Variants in PDILT observed in about 807,000 individuals in gnomAD.
PDILT encodes protein disulfide isomerase like, testis expressed, also known as protein disulfide-isomerase-like protein of the testis.
In PDILT, 43 loss-of-function variants were observed where a neutral mutation model predicts 53.7. The ratio of observed to expected loss-of-function variants is 0.80; its 90% CI spans 0.63 to 1.03. The LOEUF is 1.03. PDILT is among the 50% of genes least tolerant of loss of function. The pLI is 0.00. For missense variants in PDILT, 727 were observed against 712.3 expected (o/e 1.02, Z -0.24); for synonymous variants, 282 against 274.2 (o/e 1.03, Z -0.28).
chr16:20,364,134 G>A (rs959344802), intron 9 of PDILT, among the ~76,000 whole-genome samples: 1 of 152,180 alleles, frequency 6.6e-6, no homozygotes, highest in African/African-American at 2.4e-5. Context: ...GCAGCCCCAG[G>A]GGGCCAATCC....
chr16:20,369,605 A>G lies in PDILT; in HGVS notation c.1003T>C (p.Ser335Pro), dbSNP rs1428929785. 4 of 1,614,212 alleles carry G rather than the reference A, an allele frequency of 2.5e-6. No homozygotes were observed. Among genetic ancestry groups the G allele is most frequent in the South Asian group, 2.2e-5 (2 of 91,082 alleles). The change falls in exon 8 of 12, where the codon TCC (serine) becomes CCC (proline). Residue 335 changes from serine (S) to proline (P), a missense_variant. Ser to Pro is a moderately conservative substitution (Grantham distance 74). Coordinates refer to ENST00000302451, the MANE Select transcript of PDILT (RefSeq NM_174924.2). ...GAGCTCAAGTTTAGGATTTGGACGG[A>G]TGGGATATCGACCTCTGTGACCCGG... is the stretch of plus-strand genomic sequence containing the variant. ...YFRVTEVDIPSVQILNLSSDA... is the reference protein window; with the variant it reads ...YFRVTEVDIPPVQILNLSSDA...
intron 2 of PDILT, among the ~76,000 whole-genome samples, chr16:20,389,809 A>T (rs1385477308): frequency 6.6e-6 from 1 of 152,150 alleles, no homozygotes; most frequent in Non-Finnish European, 1.5e-5. Flanking sequence ...TGATGAGTAT[A>T]GGGACTGGAG....
chr16:20,397,496 T>C (rs1221445644), intron 2 of PDILT, among the ~76,000 whole-genome samples: 1 of 152,108 alleles, frequency 6.6e-6, no homozygotes, highest in Non-Finnish European at 1.5e-5. Flanking sequence ...AAGTTCAGAA[T>C]GCTCAAGATC....
At position 20,374,947 on chromosome 16, in the gene PDILT, C is replaced by T. The variant is rs778433768; in HGVS notation, c.556G>A (p.Glu186Lys). Residue 186 changes from glutamate (E) to lysine (K), a missense_variant, in exon 5 of 12, where the codon GAA becomes AAA. Physicochemically the swap from Glu to Lys is moderately conservative, Grantham distance 56 (BLOSUM62 1). Coordinates refer to ENST00000302451, the MANE Select transcript of PDILT (RefSeq NM_174924.2). ...ACATCATAGAACAACTCTGCTACTT[C>T]TTCCTCTAAATCCTATTTGGGAAAG... The part of the protein sequence containing the change: ...IVGFFQDLEE[E>K]VAELFYDVIK... 4.3e-6 allele frequency: 7 copies of T among 1,609,852 alleles called. No individual in the cohort carries two copies. The East Asian group carries it at 1.1e-4, about 26-fold the overall frequency.
intron 3 of PDILT, among the ~76,000 whole-genome samples, chr16:20,376,515 G>T (rs1480697415): frequency 1.3e-5 from 2 of 152,176 alleles, no homozygotes; most frequent in African/African-American, 4.8e-5. Context: ...AGAAACCAAG[G>T]TTCAACTGCC....
chr16:20,373,103 T>C lies in PDILT; in HGVS notation c.701A>G (p.Gln234Arg). 1.2e-6 allele frequency: 2 copies of C among 1,614,098 alleles called. No homozygotes were observed. Among genetic ancestry groups the C allele is most frequent in the Non-Finnish European group, 1.7e-6 (2 of 1,179,952 alleles). The change falls in exon 6 of 12, where the codon CAA becomes CGA. Residue 234 changes from glutamine to arginine, a missense_variant. Gln to Arg is a conservative substitution (Grantham distance 43, BLOSUM62 1). Coordinates refer to ENST00000302451, the MANE Select transcript of PDILT (RefSeq NM_174924.2). ...VFKKGKIVNRQKLINDSTNKQ... is the reference protein window; with the variant it reads ...VFKKGKIVNRRKLINDSTNKQ... ...GTTGGTACTGTCATTAATAAGCTTT[T>C]GGCGGTTCACAATTTTTCCCTTGTA... is the stretch of plus-strand genomic sequence containing the variant.
Position 20,362,403 on chromosome 16 carries a change from C to G in PDILT, c.1416+1G>C. ...CCATGTGCGTCCCAAGAGCCCCTCA[C>G]TTGTTGAGAGCCGCTGGGGAACAGC... On this transcript the variant is annotated splice_donor_variant, in intron 10 of 11. Coordinates refer to ENST00000302451, the MANE Select transcript of PDILT (RefSeq NM_174924.2). LOFTEE classifies it high-confidence loss of function. The G allele has an allele frequency of 6.2e-7, 1 of 1,613,944 alleles. No homozygotes were observed. Among genetic ancestry groups the G allele is most frequent in the Non-Finnish European group, 8.5e-7 (1 of 1,179,886 alleles).
At chr16:20,380,460 C>T (rs899518687) in intron 3 of PDILT, among the ~76,000 whole-genome samples, 9 of 152,144 alleles carry the variant, frequency 5.9e-5, no homozygotes, top group East Asian at 1.9e-4. Context: ...TCTCAGCCTC[C>T]GGAGTAGCTG....
intron 8 of PDILT, among the ~76,000 whole-genome samples, chr16:20,368,210 C>T (rs151126370): frequency 3.0e-3 from 450 of 152,128 alleles, no homozygotes; most frequent in Admixed American, 5.0e-3. Flanking sequence ...AGACCAGGGT[C>T]GTAGACACTG....
At position 20,373,094 on chromosome 16, in the gene PDILT, A is replaced by G. The variant is rs750927192; in HGVS notation, c.710T>C (p.Ile237Thr). 5.0e-6 allele frequency: 8 copies of G among 1,614,130 alleles called. No individual in the cohort carries two copies. Among genetic ancestry groups the G allele is most frequent in the East Asian group, 2.2e-5 (1 of 44,892 alleles). ...KGKIVNRQKL[I>T]NDSTNKQELN... Reference sequence around the variant, plus strand: ...TTCCTGTTTGTTGGTACTGTCATTAATAAGCTTTTGGCGGTTCACAATTTT... The same window carrying G: ...TTCCTGTTTGTTGGTACTGTCATTAGTAAGCTTTTGGCGGTTCACAATTTT... Residue 237 changes from isoleucine (I) to threonine (T), a missense_variant, in exon 6 of 12, where the codon ATT becomes ACT. Ile to Thr is a moderately conservative substitution (Grantham distance 89, BLOSUM62 -1). Coordinates refer to ENST00000302451, the MANE Select transcript of PDILT (RefSeq NM_174924.2).
intron 9 of PDILT, among the ~76,000 whole-genome samples, chr16:20,363,469 ATGTGTATG>A (rs111926365): frequency 0.43 from 55,338 of 129,400 alleles, 10,883 homozygotes; most frequent in Middle Eastern, 0.51. Flanking sequence ...GTTTTTGTGT[ATGTGTATG>A]TGTGTGTGTG....
chr16:20,392,629 T>C (rs1295459460), intron 2 of PDILT, among the ~76,000 whole-genome samples: 1 of 152,238 alleles, frequency 6.6e-6, no homozygotes, highest in African/African-American at 2.4e-5. Context: ...TAATTATGTA[T>C]TGGCAGGAAT....
At chr16:20,398,197 CCTTACATTCTGTCCCAGGGCATGG>C (rs1334321803) in intron 2 of PDILT, among the ~76,000 whole-genome samples, 8 of 152,112 alleles carry the variant, frequency 5.3e-5, no homozygotes, top group African/African-American at 1.9e-4. Context: ...TATGAAAATC[CCTTACATTCTGTCCCAGGGCATGG>C]CTTGGTCCCA....
chr16:20,376,922 A>G (rs1261037114), intron 3 of PDILT, among the ~76,000 whole-genome samples: 3 of 152,278 alleles, frequency 2.0e-5, no homozygotes, highest in Admixed American at 2.0e-4. Flanking sequence ...TATCAGTTTC[A>G]CATGATGGAA....
At chr16:20,398,518 C>T (rs1966690303) in intron 2 of PDILT, among the ~76,000 whole-genome samples, 1 of 152,154 alleles carries the variant, frequency 6.6e-6, no homozygotes, top group Admixed American at 6.5e-5. Context: ...GCGATCCCAT[C>T]TACTCAGATG....
chr16:20,372,874 GACAA>G lies in PDILT; in HGVS notation c.842_845del (p.Phe281SerfsTer11). The G allele has an allele frequency of 1.2e-6, 2 of 1,614,018 alleles. No individual in the cohort carries two copies. ...TACCATATGACTCGGAGCTTTTGGA[GACAA>G]ACAGCAGCATGTGACTCATGATGTG... On this transcript the variant is annotated frameshift_variant, in exon 7 of 12. Transcript: ENST00000302451. LOFTEE classifies it high-confidence loss of function.
intron 10 of PDILT, among the ~76,000 whole-genome samples, chr16:20,361,626 G>T (rs1966102165): frequency 6.6e-6 from 1 of 152,150 alleles, no homozygotes; most frequent in African/African-American, 2.4e-5. Context: ...TGCATCCTCT[G>T]CAGTGCAGAC....
Position 20,359,259 on chromosome 16 carries a change from A to C in PDILT, c.*60T>G. 1 of 1,595,084 alleles carries C rather than the reference A, an allele frequency of 6.3e-7. No individual in the cohort carries two copies. Among genetic ancestry groups the C allele is most frequent in the Non-Finnish European group, 8.5e-7 (1 of 1,172,190 alleles). On this transcript the variant is annotated 3_prime_UTR_variant, in exon 12 of 12. Coordinates refer to ENST00000302451, the MANE Select transcript of PDILT (RefSeq NM_174924.2). Reference sequence around the variant, plus strand: ...TATATGCTTTTATTGGAATCAATCCATTCAGAAAATGATGCCAGGATCTGG... The same window carrying C: ...TATATGCTTTTATTGGAATCAATCCCTTCAGAAAATGATGCCAGGATCTGG...
intron 1 of PDILT, 39 bp from the exon 2 acceptor site, chr16:20,399,346 C>G (rs1014221034): frequency 1.2e-6 from 2 of 1,601,878 alleles, no homozygotes; most frequent in Admixed American, 3.3e-5. Context: ...CTTATCAACA[C>G]AGGTGGTGGA....
Sources: gnomAD v4.1 joint callset for allele counts (sites outside exome capture counted in the v4.1 genomes callset) on GRCh38, gnomAD v4.1.1 for gene constraint, MANE v1.5 for transcripts, NCBI Gene and HGNC (gene_info 2026-07-23, HGNC 2026-07-21) for gene names.